Variants in STAM observed in about 807,000 individuals in gnomAD.
STAM encodes the protein signal transducing adaptor molecule, also known as signal transducing adapter molecule 1.
STAM carries 16 observed loss-of-function variants against 63.4 expected under a neutral mutation model. The observed-to-expected ratio is 0.25, with a 90% CI of 0.17 to 0.38. STAM has a LOEUF of 0.38. Ranked by LOEUF, STAM falls within the 10% of genes least tolerant of loss-of-function variation. The pLI, the probability that STAM is intolerant of heterozygous loss-of-function variation, is 1.00. For synonymous variants in STAM, 238 were observed against 223.9 expected, an observed-to-expected ratio of 1.06 and a Z score of -0.56; for missense variants, 636 against 657.1, an observed-to-expected ratio of 0.97 and a Z score of 0.35.
In STAM at chr10:17,714,853, TA is replaced by T; in HGVS notation, c.*75del. On this transcript the variant is annotated 3_prime_UTR_variant, in exon 14 of 14. Coordinates refer to ENST00000377524, the MANE Select transcript of STAM (RefSeq NM_003473.4). Reference sequence around the variant, plus strand: ...AATGTTATGAGATTCATTACTATCTTAAGATGTGTTTATCCTCAGCTTATAG... The same window carrying T: ...AATGTTATGAGATTCATTACTATCTTAGATGTGTTTATCCTCAGCTTATAG... 1.5e-6 allele frequency: 2 copies of T among 1,357,524 alleles called. No individual in the cohort carries two copies. Among genetic ancestry groups the T allele is most frequent in the Non-Finnish European group, 1.1e-6 (1 of 949,430 alleles). The allele number at this position is 1,357,524 out of a possible 1,614,324, so 84.1% of individuals were successfully genotyped here.
At chr10:17,696,412 G>A (rs1330754074) in intron 7 of STAM, among the ~76,000 whole-genome samples, 1 of 152,084 alleles carries the variant, frequency 6.6e-6, no homozygotes, top group Non-Finnish European at 1.5e-5. Context: ...AATGATTTAG[G>A]AATGGAGACT....
chr10:17,645,217 G>C (rs893530311), intron 1 of STAM, among the ~76,000 whole-genome samples: 1 of 152,110 alleles, frequency 6.6e-6, no homozygotes, highest in Non-Finnish European at 1.5e-5. Context: ...TTGAACGCAC[G>C]TAGGAACTAC....
At chr10:17,655,948 T>C (rs1554822089) in intron 1 of STAM, among the ~76,000 whole-genome samples, 1 of 152,086 alleles carries the variant, frequency 6.6e-6, no homozygotes, top group African/African-American at 2.4e-5. Flanking sequence ...CCTACGTGTG[T>C]ATTCTTTTTC....
chr10:17,696,756 T>C lies in STAM; in HGVS notation c.729-19T>C. ...AAATACATTTGTTATGGTAAAGCAT[T>C]GTTTTTTGTTTGTCATAGTGATCCT... On this transcript the variant is annotated intron_variant, in intron 7 of 13. Coordinates refer to ENST00000377524, the MANE Select transcript of STAM (RefSeq NM_003473.4). 1 of 1,531,368 alleles carries C rather than the reference T, an allele frequency of 6.5e-7. No homozygotes were observed. Among genetic ancestry groups the C allele is most frequent in the Non-Finnish European group, 9.0e-7 (1 of 1,105,436 alleles). 94.9% of individuals were successfully genotyped at this position (1,531,368 alleles called of 1,614,324 possible). A position where few individuals can be genotyped will look rare whatever the true frequency, so the allele number is the denominator to read the frequency against.
intron 2 of STAM, among the ~76,000 whole-genome samples, chr10:17,663,309 A>G (rs1480373391): frequency 2.6e-5 from 4 of 151,884 alleles, no homozygotes; most frequent in Non-Finnish European, 5.9e-5. Context: ...TTTTGTTTTT[A>G]TCCAGTATCA....
At chr10:17,706,369 CTTTTTTT>C (rs59585445) in intron 12 of STAM, among the ~76,000 whole-genome samples, 24 of 70,186 alleles carry the variant, frequency 3.4e-4, no homozygotes, top group East Asian at 9.8e-4. Flanking sequence ...GGTTGAGGCC[CTTTTTTT>C]TTTTTTTTTT....
Position 17,708,772 on chromosome 10 carries a change from G to T in STAM, c.1210-4G>T. The T allele has an allele frequency of 6.2e-7, 1 of 1,603,310 alleles. No homozygotes were observed. The highest frequency in any genetic ancestry group is 8.5e-7 in the Non-Finnish European group (1 of 1,173,060). On this transcript the variant is annotated splice_region_variant and splice_polypyrimidine_tract_variant and intron_variant, in intron 12 of 13. Coordinates refer to ENST00000377524, the MANE Select transcript of STAM (RefSeq NM_003473.4). ...TGAATATGATTTCTCTTTAACCATCGCAGGTGTATGCAGGGCCTCCTCCAA... is the reference window on the plus strand; with the variant it reads ...TGAATATGATTTCTCTTTAACCATCTCAGGTGTATGCAGGGCCTCCTCCAA...
At chr10:17,675,243 C>T (rs1834799391) in intron 2 of STAM, among the ~76,000 whole-genome samples, 1 of 152,200 alleles carries the variant, frequency 6.6e-6, no homozygotes, top group Non-Finnish European at 1.5e-5. Flanking sequence ...GTGGCTTACG[C>T]CTGTAATTCC....
intron 5 of STAM, 33 bp downstream of exon 5, chr10:17,688,206 A>G (rs1393972120): frequency 1.4e-6 from 2 of 1,442,668 alleles, no homozygotes; most frequent in South Asian, 1.6e-5. Flanking sequence ...TGTGTGCTAC[A>G]GTTTGTTTCT....
chr10:17,703,432 T>G (rs1836108121), intron 9 of STAM, among the ~76,000 whole-genome samples: 1 of 152,118 alleles, frequency 6.6e-6, no homozygotes, highest in Non-Finnish European at 1.5e-5. Context: ...TTTTAAATTT[T>G]AAATAATTAC....
intron 13 of STAM, among the ~76,000 whole-genome samples, chr10:17,711,290 G>A (rs2095216100): frequency 6.6e-6 from 1 of 152,190 alleles, no homozygotes; most frequent in South Asian, 2.1e-4. Context: ...AAAGCTACCT[G>A]TAGCGATGGT....
chr10:17,680,646 A>G (rs1292175574), intron 2 of STAM, among the ~76,000 whole-genome samples: 1 of 152,000 alleles, frequency 6.6e-6, no homozygotes, highest in Admixed American at 6.6e-5. Flanking sequence ...GGCTGGAGCA[A>G]TCCTTCCACC....
intron 2 of STAM, chr10:17,672,917 CT>C: frequency 2.2e-6 from 1 of 453,264 alleles, no homozygotes; most frequent in Non-Finnish European, 2.9e-6. Context: ...GATAATTCTC[CT>C]TTCCCTGTTC....
At chr10:17,703,397 A>G (rs1836106924) in intron 9 of STAM, among the ~76,000 whole-genome samples, 1 of 150,676 alleles carries the variant, frequency 6.6e-6, no homozygotes, top group African/African-American at 2.4e-5. Context: ...TTCTCAAGCT[A>G]TTTTCCTTTT....
intron 5 of STAM, among the ~76,000 whole-genome samples, chr10:17,689,730 T>C (rs1835449947): frequency 1.3e-5 from 2 of 152,162 alleles, no homozygotes; most frequent in South Asian, 4.1e-4. Flanking sequence ...CCACTAAATA[T>C]CTAGAGTCTT....
chr10:17,669,526 G>A (rs1194832013), intron 2 of STAM, among the ~76,000 whole-genome samples: 1 of 151,766 alleles, frequency 6.6e-6, no homozygotes, highest in African/African-American at 2.4e-5. Context: ...CTTCCTATCC[G>A]AGAACATAGC....
rs1470077389 is a variant in STAM, at chr10:17,671,791, T to C, written c.125+11243T>C. Among the ~76,000 whole-genome samples the C allele has an allele frequency of 3.3e-5, 5 of 152,206 alleles. No homozygotes were observed. In the East Asian group the frequency reaches 9.6e-4, roughly 29 times the overall value. On this transcript the variant is annotated intron_variant, in intron 2 of 13. Coordinates refer to ENST00000377524, the MANE Select transcript of STAM (RefSeq NM_003473.4). Reference sequence around the variant, plus strand: ...TTTTTCTTTTATATTTGCAATACTTTTAGGCAAATACCCTGTTATTTTGTT... The same window carrying C: ...TTTTTCTTTTATATTTGCAATACTTCTAGGCAAATACCCTGTTATTTTGTT...
rs59585445 is a variant in STAM, at chr10:17,706,369, C to CTTTTTTTTT, written c.1209+647_1209+655dup. ...AATCAGAATCCTCAGGGTTGAGGCCCTTTTTTTTTTTTTTTTTTTTTTTTT... is the reference window on the plus strand; with the variant it reads ...AATCAGAATCCTCAGGGTTGAGGCCCTTTTTTTTTTTTTTTTTTTTTTTTTTTTTTTTTT... On this transcript the variant is annotated intron_variant, in intron 12 of 13. Coordinates refer to ENST00000377524, the MANE Select transcript of STAM (RefSeq NM_003473.4). Among the ~76,000 whole-genome samples, 2 of 70,202 alleles carry CTTTTTTTTT rather than the reference C, an allele frequency of 2.8e-5. 1 individual carries two copies. The highest frequency in any genetic ancestry group is 4.2e-4 in the Admixed American group (2 of 4,748). The allele number at this position is 70,202 out of a possible 152,430, so 46.1% of individuals were successfully genotyped here. A position where few individuals can be genotyped will look rare whatever the true frequency, so the allele number is the denominator to read the frequency against.
At chr10:17,677,562 A>G (rs1554824790) in intron 2 of STAM, among the ~76,000 whole-genome samples, 1 of 152,198 alleles carries the variant, frequency 6.6e-6, no homozygotes, top group Non-Finnish European at 1.5e-5. Context: ...AATAAGTCCA[A>G]CTGTGAAAAA....
Sources: gnomAD v4.1 joint callset for allele counts (sites outside exome capture counted in the v4.1 genomes callset) on GRCh38, gnomAD v4.1.1 for gene constraint, MANE v1.5 for transcripts, NCBI Gene and HGNC (gene_info 2026-07-23, HGNC 2026-07-21) for gene names.